Variants in DTNB observed in about 807,000 individuals in gnomAD.
DTNB encodes DTN-B.
DTNB carries 63 observed loss-of-function variants against 90.7 expected under a neutral mutation model. That is an observed-to-expected ratio of 0.69 (90% CI 0.57 to 0.86). The LOEUF (loss-of-function observed/expected upper bound fraction) is 0.86, where lower values mean the gene tolerates loss of function less well. Ranked by LOEUF, DTNB falls within the 40% of genes least tolerant of loss-of-function variation. The probability of loss-of-function intolerance (pLI) is 0.00; values close to 1 mark genes in which losing one functional copy is unlikely to be tolerated. For synonymous variants in DTNB, 277 were observed against 286.7 expected (o/e 0.97, Z 0.34); for missense variants, 744 against 807.1 (o/e 0.92, Z 0.95).
At chr2:25,612,066 T>C (rs900613710) in intron 4 of DTNB, among the ~76,000 whole-genome samples, 5 of 152,194 alleles carry the variant, frequency 3.3e-5, no homozygotes, top group Non-Finnish European at 5.9e-5. Context: ...ATTTACACAC[T>C]CGAGAAGCCT....
intron 10 of DTNB, among the ~76,000 whole-genome samples, chr2:25,479,379 T>C (rs180946946): frequency 4.7e-4 from 71 of 152,234 alleles, no homozygotes; most frequent in African/African-American, 1.6e-3. Context: ...TCCTAGGAAA[T>C]TGGACAGGGG....
At chr2:25,482,975 G>T in intron 9 of DTNB, 102 bp from the exon 10 acceptor site, 1 of 1,243,170 alleles carries the variant, frequency 8.0e-7, no homozygotes, top group Non-Finnish European at 1.1e-6. Flanking sequence ...ATCATCATTC[G>T]CGGTAAGCAC....
At chr2:25,490,482 T>C (rs1002627010) in intron 9 of DTNB, among the ~76,000 whole-genome samples, 14 of 152,148 alleles carry the variant, frequency 9.2e-5, no homozygotes, top group African/African-American at 2.7e-4. Flanking sequence ...ATTCAAACAC[T>C]GTGGCTCAGT....
intron 8 of DTNB, among the ~76,000 whole-genome samples, chr2:25,536,724 G>A (rs183215379): frequency 1.1e-4 from 16 of 152,236 alleles, no homozygotes; most frequent in African/African-American, 3.6e-4. Flanking sequence ...GAGCGAGAGC[G>A]AGAGGGGAGA....
chr2:25,666,117 TATA>T (rs1401985202), intron 1 of DTNB, among the ~76,000 whole-genome samples: 3 of 152,242 alleles, frequency 2.0e-5, no homozygotes, highest in Non-Finnish European at 4.4e-5. Context: ...TTAACTTATA[TATA>T]ATGTTAGTAT....
At chr2:25,584,142 G>A (rs35921400) in intron 6 of DTNB, among the ~76,000 whole-genome samples, 31,157 of 152,140 alleles carry the variant, frequency 0.2, 4,082 homozygotes, top group Non-Finnish European at 0.28. Context: ...GGAGTTTCAC[G>A]GAGCTTTGGA....
chr2:25,609,595 CAAAA>C (rs34804799), intron 4 of DTNB, among the ~76,000 whole-genome samples: 1 of 109,220 alleles, frequency 9.2e-6, no homozygotes, highest in Non-Finnish European at 1.8e-5. Flanking sequence ...GAAACTCTTT[CAAAA>C]AAAAAAAAAA....
Position 25,577,014 on chromosome 2 carries a change from A to G in DTNB, c.710-10T>C. ...TCCACGGGATGGAAGACTTGTGGAC[A>G]GGAGAGAAAAGGGGAGAAAAAAGGG... On this transcript the variant is annotated splice_polypyrimidine_tract_variant and intron_variant, in intron 7 of 20. Transcript: ENST00000406818. 1 of 1,589,356 alleles carries G rather than the reference A, an allele frequency of 6.3e-7. No individual in the cohort carries two copies. The highest frequency in any genetic ancestry group is 8.6e-7 in the Non-Finnish European group (1 of 1,166,788).
At chr2:25,538,365 A>T (rs1208259159) in intron 8 of DTNB, among the ~76,000 whole-genome samples, 1 of 152,218 alleles carries the variant, frequency 6.6e-6, no homozygotes, top group African/African-American at 2.4e-5. Flanking sequence ...CAATAGTGCC[A>T]CTGTATTCCA....
chr2:25,644,621 T>C (rs1006194521), intron 2 of DTNB, among the ~76,000 whole-genome samples: 1 of 152,032 alleles, frequency 6.6e-6, no homozygotes, highest in African/African-American at 2.4e-5. Context: ...GGCATGGTGG[T>C]GAGCACCTGA....
chr2:25,397,057 C>T (rs1006123548), intron 16 of DTNB, among the ~76,000 whole-genome samples: 1 of 151,086 alleles, frequency 6.6e-6, no homozygotes, highest in Non-Finnish European at 1.5e-5. Context: ...CTCCCCCACC[C>T]AAAAAAAAGT....
chr2:25,422,438 C>T (rs962771228), intron 15 of DTNB, among the ~76,000 whole-genome samples: 2 of 112,990 alleles, frequency 1.8e-5, no homozygotes, highest in Non-Finnish European at 3.3e-5. Flanking sequence ...TGGAGTCTCA[C>T]TGTGTCGCCC....
chr2:25,447,784 C>A (rs540977915), intron 12 of DTNB, among the ~76,000 whole-genome samples: 2 of 152,098 alleles, frequency 1.3e-5, no homozygotes, highest in African/African-American at 4.8e-5. Context: ...CCTGGGATTA[C>A]AGGAGTGAGC....
At chr2:25,652,783 C>A in intron 1 of DTNB, 122 bp from the exon 2 acceptor site, 1 of 882,638 alleles carries the variant, frequency 1.1e-6, no homozygotes, top group Non-Finnish European at 1.6e-6. Flanking sequence ...AAGACAGTAT[C>A]AGTAAAAATA....
intron 10 of DTNB, among the ~76,000 whole-genome samples, 166 bp from the exon 11 acceptor site, chr2:25,455,660 G>A (rs1187438132): frequency 6.6e-6 from 1 of 152,218 alleles, no homozygotes; most frequent in African/African-American, 2.4e-5. Context: ...TATGGTGTTA[G>A]ATCCTCAGGA....
At chr2:25,403,568 G>T (rs947586587) in intron 16 of DTNB, among the ~76,000 whole-genome samples, 6 of 152,182 alleles carry the variant, frequency 3.9e-5, no homozygotes, top group African/African-American at 1.4e-4. Flanking sequence ...TTCTCAGGAG[G>T]ATGTGGTCCT....
chr2:25,609,657 TACACACACACACACACACACACAC>T (rs4007298), intron 4 of DTNB, among the ~76,000 whole-genome samples: 121 of 127,070 alleles, frequency 9.5e-4, no homozygotes, highest in African/African-American at 3.0e-3. Context: ...TAATAGAATG[TACACACACACACACACACACACAC>T]ACACACACAC....
At chr2:25,557,180 C>G (rs2057508497) in intron 8 of DTNB, among the ~76,000 whole-genome samples, 1 of 152,156 alleles carries the variant, frequency 6.6e-6, no homozygotes, top group Non-Finnish European at 1.5e-5. Context: ...CACACAAATA[C>G]TATGGAAGTA....
At chr2:25,577,539 GA>G (rs61010626) in intron 7 of DTNB, among the ~76,000 whole-genome samples, 11,614 of 150,606 alleles carry the variant, frequency 0.077, 1,418 homozygotes, top group African/African-American at 0.26. Flanking sequence ...TAATACATCA[GA>G]AAAAAAAATT....
Sources: allele counts gnomAD v4.1 joint callset (sites outside exome capture counted in the v4.1 genomes callset), GRCh38; gene constraint gnomAD v4.1.1; transcripts MANE v1.5; gene names NCBI Gene and HGNC (gene_info 2026-07-23, HGNC 2026-07-21).